DMD: variants seen among roughly 807,000 people sequenced by gnomAD.
DMD encodes mutant dystrophin.
DMD carries 63 observed loss-of-function variants against 330.1 expected under a neutral mutation model. The ratio of observed to expected loss-of-function variants is 0.19; its 90% CI spans 0.16 to 0.24. The LOEUF (loss-of-function observed/expected upper bound fraction) is 0.24. Among genes scored for constraint, DMD ranks in the 10% least tolerant of loss-of-function variants. The pLI, the probability that DMD is intolerant of heterozygous loss-of-function variation, is 1.00. For missense variants in DMD, 3,344 were observed against 2,684.1 expected (o/e 1.25, Z -5.43); for synonymous variants, 1,223 against 959.8 (o/e 1.27, Z -5.07).
At chrX:31,965,189 G>T (rs2095340905) in intron 45 of DMD, among the ~76,000 whole-genome samples, 1 of 111,396 alleles carries the variant, frequency 9.0e-6, no homozygotes, top group Non-Finnish European at 1.9e-5. Context: ...CAGAAGAAAA[G>T]GAGTGTATGA....
intron 1 of DMD, among the ~76,000 whole-genome samples, chrX:33,087,891 G>T (rs906903105): frequency 9.1e-6 from 1 of 110,326 alleles, no homozygotes; most frequent in African/African-American, 3.3e-5. Context: ...CTCTGCTTAC[G>T]ATGAATTTTT....
chrX:31,388,193 C>T (rs924277259), intron 60 of DMD, among the ~76,000 whole-genome samples: 1 of 108,163 alleles, frequency 9.2e-6, no homozygotes, highest in African/African-American at 3.4e-5. Context: ...TTAGTAGAGA[C>T]GGAGTTTCAC....
At chrX:31,993,921 G>A (rs908167642) in intron 44 of DMD, among the ~76,000 whole-genome samples, 2 of 111,652 alleles carry the variant, frequency 1.8e-5, no homozygotes, top group Admixed American at 1.9e-4. Flanking sequence ...GGCTGGAAGA[G>A]TTTGTCAAGA....
intron 38 of DMD, 61 bp from the exon 39 acceptor site, chrX:32,346,141 C>A: frequency 8.9e-7 from 1 of 1,124,425 alleles, no homozygotes; most frequent in Non-Finnish European, 1.2e-6. Flanking sequence ...ACATTGTTAA[C>A]AGAGATAATA....
intron 3 of DMD, among the ~76,000 whole-genome samples, chrX:32,846,936 G>C (rs1011884420): frequency 1.8e-5 from 2 of 109,204 alleles, no homozygotes; most frequent in African/African-American, 6.7e-5. Flanking sequence ...GAACCCAGGA[G>C]GCAGAGGTTG....
chrX:32,470,730 T>G (rs1025228005), intron 22 of DMD, among the ~76,000 whole-genome samples: 1 of 111,860 alleles, frequency 8.9e-6, no homozygotes, highest in Non-Finnish European at 1.9e-5. Flanking sequence ...TACCATTTGG[T>G]ATTGTAGTAG....
intron 55 of DMD, among the ~76,000 whole-genome samples, chrX:31,563,726 C>T (rs983378252): frequency 9.0e-6 from 1 of 111,584 alleles, no homozygotes; most frequent in African/African-American, 3.3e-5. Context: ...TAAGGCAAAA[C>T]AATGAAAGTG....
At chrX:31,201,692 A>C (rs776333096) in intron 67 of DMD, among the ~76,000 whole-genome samples, 48 of 112,125 alleles carry the variant, frequency 4.3e-4, no homozygotes, top group African/African-American at 1.5e-3. Flanking sequence ...CAGAGGCTGC[A>C]GTGAGGATGG....
chrX:31,577,706 C>T (rs1324327538), intron 55 of DMD, among the ~76,000 whole-genome samples: 2 of 111,440 alleles, frequency 1.8e-5, no homozygotes, highest in African/African-American at 6.5e-5. Context: ...TTCATATGTA[C>T]CCAGTAATAT....
intron 44 of DMD, among the ~76,000 whole-genome samples, chrX:32,099,437 G>A (rs1367359003): frequency 9.1e-6 from 1 of 110,257 alleles, no homozygotes; most frequent in Non-Finnish European, 1.9e-5. Flanking sequence ...AAAGACACGT[G>A]CACACATATG....
At chrX:32,860,724 T>C (rs1009811322) in intron 2 of DMD, among the ~76,000 whole-genome samples, 1 of 111,093 alleles carries the variant, frequency 9.0e-6, no homozygotes, top group Non-Finnish European at 1.9e-5. Flanking sequence ...ATATTTATAT[T>C]ACCAGCATCG....
intron 16 of DMD, among the ~76,000 whole-genome samples, chrX:32,555,462 A>G (rs77045892): frequency 9.0e-6 from 1 of 111,670 alleles, no homozygotes; most frequent in East Asian, 2.8e-4. Flanking sequence ...AAGAGAAAGA[A>G]ATAAAGGGTA....
intron 1 of DMD, among the ~76,000 whole-genome samples, chrX:33,037,263 C>T (rs1398072022): frequency 9.0e-6 from 1 of 110,786 alleles, no homozygotes; most frequent in African/African-American, 3.3e-5. Context: ...TTTTCCATCT[C>T]TCATTCAGAT....
At chrX:32,008,397 T>A (rs2095679297) in intron 44 of DMD, among the ~76,000 whole-genome samples, 1 of 112,163 alleles carries the variant, frequency 8.9e-6, no homozygotes, top group African/African-American at 3.2e-5. Context: ...CACTCATTTA[T>A]TTAATTCCAA....
intron 44 of DMD, among the ~76,000 whole-genome samples, chrX:32,154,099 A>C (rs1027156711): frequency 8.9e-6 from 1 of 112,337 alleles, no homozygotes; most frequent in Non-Finnish European, 1.9e-5. Context: ...AATACAGCAA[A>C]AAATAACAAC....
chrX:31,382,728 C>T (rs937291339), intron 60 of DMD, among the ~76,000 whole-genome samples: 1 of 110,809 alleles, frequency 9.0e-6, no homozygotes, highest in Non-Finnish European at 1.9e-5. Flanking sequence ...ACAATATCAC[C>T]CCTTACCACA....
chrX:31,947,445 A>G (rs915826248), intron 45 of DMD, among the ~76,000 whole-genome samples: 4 of 111,876 alleles, frequency 3.6e-5, no homozygotes, highest in Non-Finnish European at 7.5e-5. Context: ...TTCATTTAAC[A>G]GCTTTATTAA....
At chrX:31,700,829 A>C (rs753731528) in intron 52 of DMD, among the ~76,000 whole-genome samples, 1 of 112,171 alleles carries the variant, frequency 8.9e-6, no homozygotes, top group African/African-American at 3.2e-5. Flanking sequence ...ATGTATATCT[A>C]TGCAAAAATA....
intron 43 of DMD, among the ~76,000 whole-genome samples, chrX:32,280,184 TATAC>T (rs1437994904): frequency 3.6e-4 from 9 of 25,149 alleles, no homozygotes; most frequent in South Asian, 1.5e-3. Flanking sequence ...TATATATATA[TATAC>T]ACACTATGTA....
Sources: gnomAD v4.1 joint callset for allele counts (sites outside exome capture counted in the v4.1 genomes callset) on GRCh38, gnomAD v4.1.1 for gene constraint, MANE v1.5 for transcripts, NCBI Gene and HGNC (gene_info 2026-07-23, HGNC 2026-07-21) for gene names.